The following HSD11B1 variants were observed in gnomAD, a reference collection of about 807,000 sequenced individuals.
HSD11B1 encodes the protein 11-beta-hydroxysteroid dehydrogenase 1.
Under a neutral mutation model 22.1 loss-of-function variants are expected in HSD11B1, and 15 were observed. The observed-to-expected ratio is 0.68, with a 90% CI of 0.45 to 1.04. HSD11B1 has a LOEUF of 1.04. Ranked by LOEUF, HSD11B1 falls within the 50% of genes least tolerant of loss-of-function variation. The pLI, the probability that HSD11B1 is intolerant of heterozygous loss-of-function variation, is 0.00. For synonymous variants in HSD11B1, 122 were observed against 125.2 expected (o/e 0.97, Z 0.17); for missense variants, 281 against 357.6 (o/e 0.79, Z 1.73).
upstream of HSD11B1, chr1:209,704,703 T>C (rs1170692236): frequency 3.9e-6 from 2 of 507,116 alleles, no homozygotes; most frequent in Non-Finnish European, 3.6e-6. Context: ...CTCAATGAAA[T>C]GGAGTAAACA....
intron 4 of HSD11B1, among the ~76,000 whole-genome samples, chr1:209,712,331 C>A (rs1474916059): frequency 6.6e-6 from 1 of 151,900 alleles, no homozygotes; most frequent in Non-Finnish European, 1.5e-5. Flanking sequence ...TGGATTCAAC[C>A]AAATGTGGAT....
chr1:209,723,804 G>A (rs1362435686), intron 4 of HSD11B1, among the ~76,000 whole-genome samples: 1 of 152,166 alleles, frequency 6.6e-6, no homozygotes, highest in Non-Finnish European at 1.5e-5. Context: ...GTCTTATTTG[G>A]CTGGCACCCA....
At chr1:209,720,287 G>A (rs1274446145) in intron 4 of HSD11B1, among the ~76,000 whole-genome samples, 3 of 152,078 alleles carry the variant, frequency 2.0e-5, no homozygotes, top group South Asian at 2.1e-4. Context: ...GGGGTGCAAC[G>A]TGAAGAACAA....
chr1:209,734,453 C>G lies in HSD11B1; in HGVS notation c.811C>G (p.Pro271Ala), dbSNP rs747909405. The change falls in exon 6 of 6, where the codon CCA becomes GCA. Residue 271 changes from proline (P) to alanine (A), a missense_variant. Coordinates refer to ENST00000367027, the MANE Select transcript of HSD11B1 (RefSeq NM_005525.4). ...SLWTTLLIRNPCRKILEFLYS... is the reference protein window; with the variant it reads ...SLWTTLLIRNACRKILEFLYS... ...CTGGACCACTCTTCTGATCAGAAAT[C>G]CATGCAGGAAGATCCTGGAATTTCT... The G allele has an allele frequency of 2.5e-6, 4 of 1,613,976 alleles. No individual in the cohort carries two copies. Among genetic ancestry groups the G allele is most frequent in the Non-Finnish European group, 3.4e-6 (4 of 1,179,982 alleles).
chr1:209,718,126 T>C (rs1325393078), intron 4 of HSD11B1, among the ~76,000 whole-genome samples: 1 of 151,910 alleles, frequency 6.6e-6, no homozygotes, highest in Non-Finnish European at 1.5e-5. Flanking sequence ...TGAAGAGGGG[T>C]TGGCTACTGA....
In HSD11B1 at chr1:209,705,847, C is replaced by A. The variant is rs772512984; in HGVS notation, c.125C>A (p.Ala42Asp). The A allele has an allele frequency of 3.1e-6, 5 of 1,613,812 alleles. No homozygotes were observed. In the African/African-American group the frequency reaches 6.7e-5, roughly 22 times the overall value. The change falls in exon 2 of 6, where the codon GCC (alanine) becomes GAC (aspartate). Residue 42 changes from alanine to aspartate, a missense_variant. Ala to Asp is a moderately radical substitution (Grantham distance 126). Transcript: ENST00000367027. Reference sequence around the variant, plus strand: ...GGAAAGAAAGTGATTGTCACAGGGGCCAGCAAAGGGATCGGAAGAGAGATG... The same window carrying A: ...GGAAAGAAAGTGATTGTCACAGGGGACAGCAAAGGGATCGGAAGAGAGATG... ...LQGKKVIVTG[A>D]SKGIGREMAY...
intron 1 of HSD11B1, among the ~76,000 whole-genome samples, chr1:209,697,884 CTT>C (rs988076432): frequency 3.1e-4 from 13 of 41,604 alleles, no homozygotes; most frequent in East Asian, 2.1e-3. Flanking sequence ...TTGTTTTTTC[CTT>C]TTTTTTTTTT....
At chr1:209,715,783 A>C (rs1315770424) in intron 4 of HSD11B1, among the ~76,000 whole-genome samples, 1 of 152,238 alleles carries the variant, frequency 6.6e-6, no homozygotes, top group Non-Finnish European at 1.5e-5. Flanking sequence ...GAAAATCACC[A>C]TTTGGTAACC....
chr1:209,700,149 C>T (rs1246410362), upstream of HSD11B1, among the ~76,000 whole-genome samples: 1 of 152,220 alleles, frequency 6.6e-6, no homozygotes, highest in Admixed American at 6.5e-5. Context: ...CTAGGCAGTG[C>T]CCCAGTAGGG....
chr1:209,706,734 G>T lies in HSD11B1; in HGVS notation c.245G>T (p.Gly82Val). 6.2e-7 allele frequency: 1 copy of T among 1,613,846 alleles called. No individual in the cohort carries two copies. Among genetic ancestry groups the T allele is most frequent in the South Asian group, 1.1e-5 (1 of 91,060 alleles). ...GTGGTATCCCACTGCCTGGAGCTTG[G>T]AGCAGCCTCAGCACACTACATTGCT... ...QKVVSHCLEL[G>V]AASAHYIAGT... The change falls in exon 3 of 6, where the codon GGA becomes GTA. Residue 82 changes from glycine (G) to valine (V), a missense_variant. Coordinates refer to ENST00000367027, the MANE Select transcript of HSD11B1 (RefSeq NM_005525.4). The surrounding 1 kb of genome is among the most constrained non-coding windows in gnomAD (Gnocchi z 4.0).
At chr1:209,705,693 A>C (rs1467707973) in intron 1 of HSD11B1, 118 bp from the exon 2 acceptor site, 3 of 1,258,224 alleles carry the variant, frequency 2.4e-6, no homozygotes, top group African/African-American at 2.9e-5. Context: ...TGACAAACTG[A>C]TCTGGGCTCA....
At chr1:209,733,852 G>A (rs1224531685) in intron 5 of HSD11B1, among the ~76,000 whole-genome samples, 3 of 152,116 alleles carry the variant, frequency 2.0e-5, no homozygotes, top group African/African-American at 7.2e-5. Flanking sequence ...GGTGACAAGG[G>A]AGCAAAAGCC....
chr1:209,691,606 A>G (rs1346637277), intron 1 of HSD11B1, among the ~76,000 whole-genome samples: 2 of 152,240 alleles, frequency 1.3e-5, no homozygotes, highest in Non-Finnish European at 2.9e-5. Context: ...GAAAGCAAAC[A>G]AATCAAAATG....
intron 1 of HSD11B1, among the ~76,000 whole-genome samples, chr1:209,689,373 C>G (rs1013266981): frequency 6.6e-6 from 1 of 152,164 alleles, no homozygotes; most frequent in Non-Finnish European, 1.5e-5. Context: ...CTGGATTATC[C>G]TACAGTGAAG....
intron 1 of HSD11B1, among the ~76,000 whole-genome samples, chr1:209,692,075 T>TA (rs79594859): frequency 0.013 from 1,828 of 137,152 alleles, 17 homozygotes; most frequent in Middle Eastern, 0.022. Context: ...CTAGTTTATT[T>TA]AAAAAAAAAA....
At position 209,732,466 on chromosome 1, in the gene HSD11B1, A is replaced by G; in HGVS notation, c.548A>G (p.Tyr183Cys). ...GTGGCTTATCCAATGGTTGCTGCCT[A>G]TTCTGCAAGCAAGTTTGCTTTGGAT... Reference protein sequence around the residue: ...GKVAYPMVAAYSASKFALDGF... With the variant: ...GKVAYPMVAACSASKFALDGF... The change falls in exon 5 of 6, where the codon TAT becomes TGT. Residue 183 changes from tyrosine (Y) to cysteine (C), a missense_variant. Tyr to Cys is a radical substitution (Grantham distance 194, BLOSUM62 -2). Transcript: ENST00000367027. The G allele has an allele frequency of 6.2e-7, 1 of 1,614,134 alleles. No individual in the cohort carries two copies. Among genetic ancestry groups the G allele is most frequent in the Non-Finnish European group, 8.5e-7 (1 of 1,180,006 alleles).
intron 4 of HSD11B1, among the ~76,000 whole-genome samples, chr1:209,715,903 C>T (rs1338496313): frequency 6.6e-6 from 1 of 152,106 alleles, no homozygotes; most frequent in African/African-American, 2.4e-5. Context: ...CCCTGTGCAA[C>T]AACAACCAAA....
At chr1:209,692,999 A>G (rs190115625) in intron 1 of HSD11B1, among the ~76,000 whole-genome samples, 1 of 151,988 alleles carries the variant, frequency 6.6e-6, no homozygotes, top group African/African-American at 2.4e-5. Context: ...ATTCTCTTTT[A>G]TTTTCAGTTA....
At chr1:209,697,514 T>C (rs1042477258) in intron 1 of HSD11B1, among the ~76,000 whole-genome samples, 4 of 152,244 alleles carry the variant, frequency 2.6e-5, no homozygotes, top group Non-Finnish European at 5.9e-5. Flanking sequence ...ACATTTCATT[T>C]ATTTCCACGT....
Sources: gnomAD v4.1 joint callset for allele counts (sites outside exome capture counted in the v4.1 genomes callset) on GRCh38, gnomAD v4.1.1 for gene constraint, Gnocchi (gnomAD v3.1) non-coding constraint, MANE v1.5 for transcripts, NCBI Gene and HGNC (gene_info 2026-07-23, HGNC 2026-07-21) for gene names.